The following TMEM132B variants were observed in gnomAD, a reference collection of about 807,000 sequenced individuals.
The protein encoded by TMEM132B is transmembrane protein 132B.
A neutral mutation model predicts 90.8 loss-of-function variants in TMEM132B; 18 were observed. The ratio of observed to expected loss-of-function variants is 0.20; its 90% CI spans 0.14 to 0.29. The LOEUF is 0.29. TMEM132B is among the 10% of genes least tolerant of loss of function. The pLI, the probability that TMEM132B is intolerant of heterozygous loss-of-function variation, is 1.00. For missense variants in TMEM132B, 1,096 were observed against 1,326.8 expected (o/e 0.83, Z 2.70); for synonymous variants, 504 against 523.3 (o/e 0.96, Z 0.50).
chr12:125,626,672 T>C (rs1270118552), intron 5 of TMEM132B, among the ~76,000 whole-genome samples: 1 of 152,190 alleles, frequency 6.6e-6, no homozygotes, highest in African/African-American at 2.4e-5. Flanking sequence ...GTAATTGTTA[T>C]CCATCTTCTT....
intron 5 of TMEM132B, among the ~76,000 whole-genome samples, chr12:125,596,888 C>CT (rs1349014882): frequency 6.6e-6 from 1 of 152,204 alleles, no homozygotes; most frequent in Admixed American, 6.5e-5. Context: ...AGGCAGAGCC[C>CT]TAGATGGCTA....
intron 1 of TMEM132B, among the ~76,000 whole-genome samples, chr12:125,270,799 A>T (rs1485484030): frequency 6.6e-6 from 1 of 151,390 alleles, no homozygotes; most frequent in Non-Finnish European, 1.5e-5. Flanking sequence ...GGGGGCGGGT[A>T]GGAGGTGCAG....
intron 1 of TMEM132B, among the ~76,000 whole-genome samples, chr12:125,256,279 A>G (rs553680996): frequency 8.5e-5 from 13 of 152,350 alleles, no homozygotes; most frequent in South Asian, 6.2e-4. Flanking sequence ...CAGGATTCAT[A>G]TATTTTTAAT....
intron 4 of TMEM132B, among the ~76,000 whole-genome samples, chr12:125,524,183 A>G (rs1883385302): frequency 6.6e-6 from 1 of 152,198 alleles, no homozygotes; most frequent in Non-Finnish European, 1.5e-5. Flanking sequence ...TGTCTACTTC[A>G]CAGTGGTGTC....
chr12:125,643,754 C>T (rs1037422018), intron 5 of TMEM132B, among the ~76,000 whole-genome samples: 2 of 151,950 alleles, frequency 1.3e-5, no homozygotes, highest in South Asian at 4.1e-4. Flanking sequence ...GATTAGTGAT[C>T]GTTTGAGTAC....
At chr12:125,480,517 G>A (rs1882010361) in intron 3 of TMEM132B, among the ~76,000 whole-genome samples, 1 of 152,162 alleles carries the variant, frequency 6.6e-6, no homozygotes, top group Admixed American at 6.5e-5. Flanking sequence ...AGAAGAAATG[G>A]ATAAATTCCG....
chr12:125,498,911 C>A lies in TMEM132B; in HGVS notation c.1107-20528C>A, dbSNP rs186098667. ...TTATCTTTGGGGAAAGTGACCTGGA[C>A]CTGTTGGTGATAAGCTTGGGAATGC... On this transcript the variant is annotated intron_variant, in intron 3 of 8. Coordinates refer to ENST00000682704, the MANE Select transcript of TMEM132B (RefSeq NM_001366854.1). This position sits in a 1 kb window ranked among gnomAD's most constrained non-coding sequence, Gnocchi z 4.5. Among the ~76,000 whole-genome samples the A allele has an allele frequency of 6.8e-4, 103 of 152,308 alleles. No individual in the cohort carries two copies. The highest frequency in any genetic ancestry group is 3.4e-3 in the Middle Eastern group (1 of 294).
chr12:125,230,278 C>T (rs1254046427), intron 1 of TMEM132B, among the ~76,000 whole-genome samples: 1 of 152,110 alleles, frequency 6.6e-6, no homozygotes, highest in Non-Finnish European at 1.5e-5. Context: ...GGTGGTGCTT[C>T]TCAGGTTGGC....
chr12:125,341,003 A>AT (rs1168083896), intron 1 of TMEM132B, among the ~76,000 whole-genome samples: 1 of 152,226 alleles, frequency 6.6e-6, no homozygotes, highest in Admixed American at 6.5e-5. Context: ...TCTTGCTTTC[A>AT]TTTTATGGAC....
At chr12:125,517,141 A>G (rs978803161) in intron 3 of TMEM132B, among the ~76,000 whole-genome samples, 6 of 151,078 alleles carry the variant, frequency 4.0e-5, no homozygotes, top group African/African-American at 1.5e-4. Flanking sequence ...AGAAACTGCT[A>G]TTCAACACAC....
At chr12:125,537,963 A>T (rs1883853832) in intron 4 of TMEM132B, among the ~76,000 whole-genome samples, 1 of 151,566 alleles carries the variant, frequency 6.6e-6, no homozygotes, top group Admixed American at 6.6e-5. Context: ...CCACCCCGAA[A>T]CTCTGCAGAT....
intron 1 of TMEM132B, among the ~76,000 whole-genome samples, chr12:125,319,726 A>G (rs530096617): frequency 6.6e-6 from 1 of 152,298 alleles, no homozygotes; most frequent in African/African-American, 2.4e-5. Context: ...ATCAGAAGGG[A>G]GCCACTGGCC....
At chr12:125,398,276 C>T (rs1879220149) in intron 2 of TMEM132B, among the ~76,000 whole-genome samples, 2 of 152,174 alleles carry the variant, frequency 1.3e-5, no homozygotes, top group African/African-American at 4.8e-5. Flanking sequence ...ATCCCAACTA[C>T]CCCTACTCAT....
chr12:125,249,847 T>C (rs182499305), intron 1 of TMEM132B, among the ~76,000 whole-genome samples: 1 of 152,254 alleles, frequency 6.6e-6, no homozygotes, highest in African/African-American at 2.4e-5. Flanking sequence ...AAGAAACAGG[T>C]TCAGAGAGTC....
intron 1 of TMEM132B, among the ~76,000 whole-genome samples, chr12:125,264,678 A>ATGT (rs1874645152): frequency 6.6e-6 from 1 of 152,236 alleles, no homozygotes; most frequent in Non-Finnish European, 1.5e-5. Context: ...CGTGGCAAGC[A>ATGT]TGCAGTTCCC....
At chr12:125,464,213 C>A (rs939610719) in intron 3 of TMEM132B, among the ~76,000 whole-genome samples, 1 of 152,154 alleles carries the variant, frequency 6.6e-6, no homozygotes, top group Admixed American at 6.5e-5. Flanking sequence ...AGCCAGGGGT[C>A]ATGTCTTCTT....
intron 2 of TMEM132B, among the ~76,000 whole-genome samples, chr12:125,362,865 C>T (rs1415554608): frequency 1.3e-5 from 2 of 152,340 alleles, no homozygotes; most frequent in East Asian, 1.9e-4. Context: ...CTGATTGCTT[C>T]GAAGGGGTAA....
At chr12:125,549,378 G>A (rs1201050506) in intron 4 of TMEM132B, among the ~76,000 whole-genome samples, 4 of 152,194 alleles carry the variant, frequency 2.6e-5, no homozygotes, top group Admixed American at 1.3e-4. Context: ...TGAGCTAAGG[G>A]GATCTTTGAG....
At chr12:125,232,537 C>A (rs1001858811) in intron 1 of TMEM132B, among the ~76,000 whole-genome samples, 2 of 151,886 alleles carry the variant, frequency 1.3e-5, no homozygotes, top group Admixed American at 1.3e-4. Context: ...CAATAAACAT[C>A]TCCTGATTAG....
Sources: gnomAD v4.1 joint callset for allele counts (sites outside exome capture counted in the v4.1 genomes callset) on GRCh38, gnomAD v4.1.1 for gene constraint, Gnocchi (gnomAD v3.1) non-coding constraint, MANE v1.5 for transcripts, NCBI Gene and HGNC (gene_info 2026-07-23, HGNC 2026-07-21) for gene names.